Variants in LAMA2 observed in about 807,000 individuals in gnomAD.
LAMA2 encodes the protein laminin subunit alpha 2, also known as laminin subunit alpha-2.
In LAMA2, 269 loss-of-function variants were observed where a neutral mutation model predicts 364.8. The ratio of observed to expected loss-of-function variants is 0.74; its 90% CI spans 0.67 to 0.82. LAMA2 has a LOEUF of 0.82. Among genes scored for constraint, LAMA2 ranks in the 40% least tolerant of loss-of-function variants. The pLI is 0.00. For missense variants in LAMA2, 3,807 were observed against 3,873.2 expected (o/e 0.98, Z 0.45); for synonymous variants, 1,379 against 1,370.6 (o/e 1.01, Z -0.14).
intron 12 of LAMA2, among the ~76,000 whole-genome samples, chr6:129,211,795 C>G (rs1783116050): frequency 6.6e-6 from 1 of 152,196 alleles, no homozygotes; most frequent in South Asian, 2.1e-4. Flanking sequence ...GCACCTACCA[C>G]CCAGCAGGCA....
intron 39 of LAMA2, among the ~76,000 whole-genome samples, chr6:129,403,086 T>A (rs1433665799): frequency 1.3e-5 from 2 of 152,222 alleles, no homozygotes; most frequent in African/African-American, 2.4e-5. Context: ...ATAACTGATA[T>A]GCTTTTCCTA....
rs542247126 is a variant in LAMA2, at chr6:129,460,379, G to C, written c.6992+55G>C. ...CTGTCCTGTGCATAATAAAAGCTTCGATTTTATTGCATAATATTCTATTAT... is the reference window on the plus strand; with the variant it reads ...CTGTCCTGTGCATAATAAAAGCTTCCATTTTATTGCATAATATTCTATTAT... On this transcript the variant is annotated intron_variant, in intron 49 of 64. Transcript: ENST00000421865. The C allele has an allele frequency of 6.5e-5, 100 of 1,539,684 alleles. No homozygotes were observed. The African/African-American group carries it at 1.2e-3, about 19-fold the overall frequency.
chr6:129,335,929 G>C (rs895292810), intron 29 of LAMA2, among the ~76,000 whole-genome samples: 15 of 152,172 alleles, frequency 9.9e-5, no homozygotes, highest in African/African-American at 3.6e-4. Context: ...TTATATCTTA[G>C]AGTCGGGACA....
chr6:129,178,057 A>G (rs1409029619), intron 10 of LAMA2, among the ~76,000 whole-genome samples, 191 bp downstream of exon 10: 1 of 152,200 alleles, frequency 6.6e-6, no homozygotes, highest in Admixed American at 6.5e-5. Context: ...AAAGCCTACA[A>G]ATGCACGGAG....
At chr6:129,081,031 G>A (rs575694029) in intron 3 of LAMA2, among the ~76,000 whole-genome samples, 2 of 152,226 alleles carry the variant, frequency 1.3e-5, no homozygotes, top group South Asian at 4.1e-4. Context: ...AAGAAAATGT[G>A]GCACATATAT....
intron 1 of LAMA2, among the ~76,000 whole-genome samples, chr6:129,026,232 CA>C (rs66827570): frequency 0.57 from 87,267 of 151,908 alleles, 28,903 homozygotes; most frequent in East Asian, 0.96. Flanking sequence ...AGTGTTTTGA[CA>C]AGATATAAAA....
intron 1 of LAMA2, among the ~76,000 whole-genome samples, chr6:128,944,518 G>T (rs545491377): frequency 6.6e-6 from 1 of 152,254 alleles, no homozygotes; most frequent in East Asian, 1.9e-4. Context: ...ATTAAGGCGG[G>T]ATGCAGTGGC....
intron 4 of LAMA2, among the ~76,000 whole-genome samples, chr6:129,126,268 G>A (rs1279815506): frequency 6.6e-6 from 1 of 152,128 alleles, no homozygotes; most frequent in African/African-American, 2.4e-5. Context: ...GGAGTAGGTT[G>A]TGTTTGTTTT....
chr6:129,258,961 G>A lies in LAMA2; in HGVS notation c.2097-1750G>A, dbSNP rs534278362. Reference sequence around the variant, plus strand: ...AATATAGCACTCAATTAATAGTGTTGGATGAGTTTATTTACAGGTAAAGAT... The same window carrying A: ...AATATAGCACTCAATTAATAGTGTTAGATGAGTTTATTTACAGGTAAAGAT... On this transcript the variant is annotated intron_variant, in intron 14 of 64. Transcript: ENST00000421865. Among the ~76,000 whole-genome samples, 10 of 152,168 alleles carry A rather than the reference G, an allele frequency of 6.6e-5. No homozygotes were observed. In the South Asian group the frequency reaches 2.1e-3, roughly 32 times the overall value.
chr6:129,266,269 C>T (rs1008664461), intron 15 of LAMA2, among the ~76,000 whole-genome samples: 3 of 151,986 alleles, frequency 2.0e-5, no homozygotes, highest in Non-Finnish European at 4.4e-5. Context: ...TGTAGTAATC[C>T]CCACAGATGG....
chr6:129,385,404 T>A (rs1270512637), intron 35 of LAMA2, among the ~76,000 whole-genome samples: 1 of 151,812 alleles, frequency 6.6e-6, no homozygotes, highest in Non-Finnish European at 1.5e-5. Flanking sequence ...ATACTGTATA[T>A]CCACACCTCT....
chr6:129,147,181 G>T (rs1778511009), intron 6 of LAMA2, 133 bp downstream of exon 6: 1 of 720,228 alleles, frequency 1.4e-6, no homozygotes, highest in African/African-American at 1.7e-5. Flanking sequence ...AGAAATCCAT[G>T]CCAGGGTGAA....
chr6:128,965,919 A>G (rs1781808281), intron 1 of LAMA2, among the ~76,000 whole-genome samples: 1 of 148,050 alleles, frequency 6.8e-6, no homozygotes, highest in Non-Finnish European at 1.5e-5. Flanking sequence ...TTTGTCCCAT[A>G]GTTTCTCTTT....
At chr6:128,960,602 C>T (rs925020949) in intron 1 of LAMA2, among the ~76,000 whole-genome samples, 4 of 152,186 alleles carry the variant, frequency 2.6e-5, no homozygotes, top group Admixed American at 6.5e-5. Flanking sequence ...TCGGGTGATC[C>T]ACCCGCCTGG....
At chr6:129,314,542 T>G in intron 23 of LAMA2, 113 bp from the exon 24 acceptor site, 1 of 902,152 alleles carries the variant, frequency 1.1e-6, no homozygotes, top group Non-Finnish European at 1.8e-6. Flanking sequence ...TCAGTGTTCT[T>G]CTGTTTTGTT....
At chr6:129,113,183 C>T (rs1174270721) in intron 4 of LAMA2, among the ~76,000 whole-genome samples, 3 of 152,014 alleles carry the variant, frequency 2.0e-5, no homozygotes, top group African/African-American at 7.2e-5. Flanking sequence ...ATGGGAGGGT[C>T]ACTCTTTAAC....
chr6:129,105,204 T>C (rs1053594770), intron 4 of LAMA2, among the ~76,000 whole-genome samples: 2 of 152,102 alleles, frequency 1.3e-5, no homozygotes, highest in Non-Finnish European at 2.9e-5. Context: ...CTCCATTACT[T>C]TGAGGCCAAC....
At chr6:129,446,160 C>T (rs1345507981) in intron 45 of LAMA2, among the ~76,000 whole-genome samples, 2 of 151,518 alleles carry the variant, frequency 1.3e-5, no homozygotes, top group Non-Finnish European at 2.9e-5. Flanking sequence ...GTACCTTCCT[C>T]TTGCTAAAAA....
At position 129,044,461 on chromosome 6, in the gene LAMA2, G is replaced by A. The variant is rs1419122455; in HGVS notation, c.113-5457G>A. The stretch of plus-strand genomic sequence containing the variant: ...CAAATAAAAACAGTGGAAGTTAGGT[G>A]ATTTTTTTCAAATGTTTGCCATATT... On this transcript the variant is annotated intron_variant, in intron 1 of 64. Transcript: ENST00000421865. 2.6e-5 allele frequency among the ~76,000 whole-genome samples: 4 copies of A among 151,812 alleles called. No individual in the cohort carries two copies. In the East Asian group the frequency reaches 7.8e-4, roughly 29 times the overall value.
Sources: gnomAD v4.1 joint callset for allele counts (sites outside exome capture counted in the v4.1 genomes callset) on GRCh38, gnomAD v4.1.1 for gene constraint, MANE v1.5 for transcripts, NCBI Gene and HGNC (gene_info 2026-07-23, HGNC 2026-07-21) for gene names.